PLEKHA1: variants seen among roughly 807,000 people sequenced by gnomAD.
The protein encoded by PLEKHA1 is pleckstrin homology domain containing A1, also known as pleckstrin homology domain-containing family A member 1.
PLEKHA1 carries 34 observed loss-of-function variants against 52.0 expected under a neutral mutation model. The ratio of observed to expected loss-of-function variants is 0.65; its 90% confidence interval spans 0.50 to 0.87. PLEKHA1 has a LOEUF of 0.87. Ranked by LOEUF, PLEKHA1 falls within the 40% of genes least tolerant of loss-of-function variation. PLEKHA1 has a pLI of 0.00. For missense variants in PLEKHA1, 497 were observed against 504.2 expected (o/e 0.99, Z 0.14); for synonymous variants, 163 against 170.7 (o/e 0.95, Z 0.35).
intron 10 of PLEKHA1, among the ~76,000 whole-genome samples, chr10:122,426,403 CAA>C (rs1331790557): frequency 6.6e-6 from 1 of 151,348 alleles, no homozygotes; most frequent in African/African-American, 2.4e-5. Flanking sequence ...AATCTAGAAA[CAA>C]GAGGCAGTAT....
chr10:122,393,677 T>C lies in PLEKHA1; in HGVS notation c.141+336T>C, dbSNP rs192559869. 1.6e-3 allele frequency among the ~76,000 whole-genome samples: 249 copies of C among 152,272 alleles called. 1 individual carries two copies. Among genetic ancestry groups the C allele is most frequent in the South Asian group, 2.9e-3 (14 of 4,824 alleles). On this transcript the variant is annotated intron_variant, in intron 2 of 11. Transcript: ENST00000368990. This position sits in a 1 kb window ranked among gnomAD's most constrained non-coding sequence, Gnocchi z 4.5. ...AAGCTGTCCCAAAAATAAGAAATAC[T>C]TTTTTTGTAACATGTATTTCAAACA...
rs938504409 is a variant in PLEKHA1, at chr10:122,431,671, C to T, written c.*1733C>T. 1 of 152,576 alleles carries T rather than the reference C, an allele frequency of 6.6e-6. No homozygotes were observed. Among genetic ancestry groups the T allele is most frequent in the African/African-American group, 2.4e-5 (1 of 41,444 alleles). 9.5% of individuals were successfully genotyped at this position (152,576 alleles called of 1,614,324 possible). A position where few individuals can be genotyped will look rare whatever the true frequency, so the allele number is the denominator to read the frequency against. The stretch of plus-strand genomic sequence containing the variant: ...AATTATACAATATCAGTTTAAAAAT[C>T]TGTATGCATAAAGAATGCACCACTC... On this transcript the variant is annotated 3_prime_UTR_variant, in exon 12 of 12. Coordinates refer to ENST00000368990, the MANE Select transcript of PLEKHA1 (RefSeq NM_001001974.4).
chr10:122,376,686 A>C (rs2096543191), intron 1 of PLEKHA1, among the ~76,000 whole-genome samples: 1 of 152,148 alleles, frequency 6.6e-6, no homozygotes, highest in Non-Finnish European at 1.5e-5. Context: ...GTAACAAAAT[A>C]GGAAAGATGG....
chr10:122,411,253 G>C (rs1015890419), intron 5 of PLEKHA1, among the ~76,000 whole-genome samples: 1 of 152,178 alleles, frequency 6.6e-6, no homozygotes, highest in African/African-American at 2.4e-5. Flanking sequence ...CCTGGGGCCT[G>C]AGAGAAACCT....
rs1554936741 is a variant in PLEKHA1, at chr10:122,424,180, T to TG, written c.682-19_682-18insG. 3 of 1,454,720 alleles carry TG rather than the reference T, an allele frequency of 2.1e-6. No homozygotes were observed. Among genetic ancestry groups the TG allele is most frequent in the East Asian group, 5.2e-5 (2 of 38,360 alleles). The allele number at this position is 1,454,720 out of a possible 1,614,324, so 90.1% of individuals were successfully genotyped here. A position where few individuals can be genotyped will look rare whatever the true frequency, so the allele number is the denominator to read the frequency against. On this transcript the variant is annotated intron_variant, in intron 8 of 11. Coordinates refer to ENST00000368990, the MANE Select transcript of PLEKHA1 (RefSeq NM_001001974.4). ...TAAACATCATGTAACTGTTTTTTTT[T>TG]TTTTTTTTTTTTTGCCAGGAAAAGG... is the stretch of plus-strand genomic sequence containing the variant.
At chr10:122,423,147 G>T (rs1248758751) in intron 8 of PLEKHA1, 10 of 149,858 alleles carry the variant, frequency 6.7e-5, no homozygotes, top group African/African-American at 2.5e-4. Flanking sequence ...CTCCCAGCTG[G>T]GCGTGGTGGC....
chr10:122,441,586 G>A, the PLEKHA1 span: 1 of 152,168 alleles, frequency 6.6e-6, no homozygotes, highest in Non-Finnish European at 1.5e-5. Flanking sequence ...TATCCTTAGA[G>A]CTGAGAAAAC....
chr10:122,391,043 A>T (rs900787798), intron 1 of PLEKHA1, among the ~76,000 whole-genome samples: 6 of 152,020 alleles, frequency 3.9e-5, no homozygotes, highest in Non-Finnish European at 5.9e-5. Flanking sequence ...TTCCCTAATG[A>T]CTGATGATAT....
chr10:122,417,638 T>C (rs2097197258), intron 7 of PLEKHA1, among the ~76,000 whole-genome samples: 1 of 128,932 alleles, frequency 7.8e-6, no homozygotes, highest in African/African-American at 3.2e-5. Context: ...AGAGCAAGAC[T>C]CTGTCTCAAA....
intron 2 of PLEKHA1, among the ~76,000 whole-genome samples, chr10:122,394,070 T>C (rs572016679): frequency 1.4e-5 from 1 of 72,166 alleles, no homozygotes; most frequent in Non-Finnish European, 2.6e-5. Context: ...CTTTCTCTAC[T>C]TTTTTTTTTT....
intron 1 of PLEKHA1, chr10:122,386,922 T>C (rs1378172722): frequency 6.6e-6 from 1 of 152,204 alleles, no homozygotes; most frequent in Non-Finnish European, 1.5e-5. Context: ...TTTTGTCTTG[T>C]GTCAGTTTTT....
At chr10:122,411,207 G>C (rs1266201359) in intron 5 of PLEKHA1, among the ~76,000 whole-genome samples, 1 of 152,188 alleles carries the variant, frequency 6.6e-6, no homozygotes, top group Non-Finnish European at 1.5e-5. Flanking sequence ...TGAGGGCATT[G>C]TAGTATGAAT....
chr10:122,418,901 A>G (rs1483219212), intron 8 of PLEKHA1: 2 of 152,224 alleles, frequency 1.3e-5, no homozygotes, highest in African/African-American at 4.8e-5. Flanking sequence ...CTTTCTGCAC[A>G]AATGGAAATG....
Position 122,429,708 on chromosome 10 carries a change from C to T in PLEKHA1, c.985C>T (p.Arg329Cys), listed in dbSNP as rs771484933. 13 of 1,613,998 alleles carry T rather than the reference C, an allele frequency of 8.1e-6. No homozygotes were observed. The African/African-American group carries it at 1.2e-4, about 15-fold the overall frequency. Residue 329 changes from arginine to cysteine, a missense_variant, in exon 12 of 12, where the codon CGC (arginine) becomes TGC (cysteine). Physicochemically the swap from Arg to Cys is radical, Grantham distance 180. Transcript: ENST00000368990. ...ATATSHSTAS[R>C]SNSLVSTFTM... ...CGCCACCTCACATTCCACAGCCTCT[C>T]GCAGCAACTCTTTGGTCTCAACCTT...
At chr10:122,385,130 C>T (rs1429837386) in intron 1 of PLEKHA1, among the ~76,000 whole-genome samples, 1 of 151,960 alleles carries the variant, frequency 6.6e-6, no homozygotes, top group Non-Finnish European at 1.5e-5. Flanking sequence ...CACTTACAGT[C>T]CTTCCCTTCA....
chr10:122,397,378 C>A (rs1243083211), intron 2 of PLEKHA1, among the ~76,000 whole-genome samples: 1 of 151,930 alleles, frequency 6.6e-6, no homozygotes, highest in Non-Finnish European at 1.5e-5. Flanking sequence ...CCTACATTCC[C>A]TGCATATGAT....
chr10:122,430,011 A>G lies in PLEKHA1; in HGVS notation c.*73A>G. 6.7e-7 allele frequency: 1 copy of G among 1,484,122 alleles called. No individual in the cohort carries two copies. The allele number at this position is 1,484,122 out of a possible 1,614,324, so 91.9% of individuals were successfully genotyped here. A position where few individuals can be genotyped will look rare whatever the true frequency, so the allele number is the denominator to read the frequency against. On this transcript the variant is annotated 3_prime_UTR_variant, in exon 12 of 12. Transcript: ENST00000368990. ...TTCATGAGGCTTCTAGCCAAAGATG[A>G]TAAAGGGGGAAATGGTTTTTAGTGC...
chr10:122,397,026 A>G (rs550631071), intron 2 of PLEKHA1, among the ~76,000 whole-genome samples: 1 of 152,106 alleles, frequency 6.6e-6, no homozygotes, highest in African/African-American at 2.4e-5. Flanking sequence ...GTCCTCTATG[A>G]TTAGGTTCTC....
chr10:122,429,491 C>CAG, intron 11 of PLEKHA1, 133 bp from the exon 12 acceptor site: 1 of 745,772 alleles, frequency 1.3e-6, no homozygotes, highest in Admixed American at 3.5e-5. Flanking sequence ...TCTGCTGCTG[C>CAG]CTTTGTGTGT....
Sources: allele counts gnomAD v4.1 joint callset (sites outside exome capture counted in the v4.1 genomes callset), GRCh38; gene constraint gnomAD v4.1.1; non-coding constraint Gnocchi (gnomAD v3.1); transcripts MANE v1.5; gene names NCBI Gene and HGNC (gene_info 2026-07-23, HGNC 2026-07-21).